Variants in ESR1 observed in about 807,000 individuals in gnomAD.
ESR1 encodes the protein estrogen receptor.
Under a neutral mutation model 52.7 loss-of-function variants are expected in ESR1, and 12 were observed. That is an observed-to-expected ratio of 0.23 (90% CI 0.15 to 0.37). The LOEUF (loss-of-function observed/expected upper bound fraction) is 0.37. Among genes scored for constraint, ESR1 ranks in the 10% least tolerant of loss-of-function variants. The pLI, the probability that ESR1 is intolerant of heterozygous loss-of-function variation, is 1.00. For missense variants in ESR1, 584 were observed against 779.7 expected, an observed-to-expected ratio of 0.75 and a Z score of 2.99; for synonymous variants, 305 against 316.8, an observed-to-expected ratio of 0.96 and a Z score of 0.39.
intron 3 of ESR1, among the ~76,000 whole-genome samples, chr6:151,940,034 G>A (rs2034866154): frequency 6.6e-6 from 1 of 152,136 alleles, no homozygotes; most frequent in South Asian, 2.1e-4. Flanking sequence ...ACTTGAGACT[G>A]GGTAATTTAT....
chr6:152,087,755 A>G (rs1236093892), intron 6 of ESR1, among the ~76,000 whole-genome samples: 1 of 152,224 alleles, frequency 6.6e-6, no homozygotes, highest in Non-Finnish European at 1.5e-5. Flanking sequence ...GATACAATCC[A>G]TGTTTTCAAG....
chr6:152,103,092 T>C lies in ESR1; in HGVS notation c.*4126T>C, dbSNP rs1585266458. On this transcript the variant is annotated 3_prime_UTR_variant, in exon 8 of 8. Coordinates refer to ENST00000206249, the MANE Select transcript of ESR1 (RefSeq NM_000125.4). Reference sequence around the variant, plus strand: ...TGCCAAATTGTGTTTGATGGATTAATATGCCCTTTTGCCGATGCATACTAT... The same window carrying C: ...TGCCAAATTGTGTTTGATGGATTAACATGCCCTTTTGCCGATGCATACTAT... 9.1e-6 allele frequency: 2 copies of C among 220,930 alleles called. No homozygotes were observed. Among genetic ancestry groups the C allele is most frequent in the African/African-American group, 4.5e-5 (2 of 44,608 alleles). The allele number at this position is 220,930 out of a possible 1,614,324, so 13.7% of individuals were successfully genotyped here. A position where few individuals can be genotyped will look rare whatever the true frequency, so the allele number is the denominator to read the frequency against.
intron 3 of ESR1, among the ~76,000 whole-genome samples, chr6:151,900,263 C>G (rs1416470270): frequency 6.6e-6 from 1 of 152,186 alleles, no homozygotes; most frequent in Non-Finnish European, 1.5e-5. Flanking sequence ...TTGCATTTCT[C>G]TAAGTGTGTC....
At chr6:151,758,759 A>AT (rs1258425425) in intron 2 of ESR1, among the ~76,000 whole-genome samples, 4 of 144,190 alleles carry the variant, frequency 2.8e-5, no homozygotes, top group Non-Finnish European at 4.5e-5. Context: ...TCTGTCTCAA[A>AT]TTAAAAAAAA....
At chr6:151,710,706 T>C (rs139000819) in intron 2 of ESR1, among the ~76,000 whole-genome samples, 6,418 of 152,166 alleles carry the variant, frequency 0.042, 459 homozygotes, top group African/African-American at 0.15. Context: ...ATTTCTCCTA[T>C]TGCTATCCCT....
chr6:151,977,441 C>CAAAAAAAAAAAA (rs200819406), intron 4 of ESR1, among the ~76,000 whole-genome samples: 3 of 130,502 alleles, frequency 2.3e-5, no homozygotes, highest in African/African-American at 8.7e-5. Context: ...CTGTGTAGTG[C>CAAAAAAAAAAAA]AAAAAAAAAA....
intron 4 of ESR1, among the ~76,000 whole-genome samples, chr6:151,950,824 A>G (rs1341005768): frequency 6.6e-6 from 1 of 150,636 alleles, no homozygotes; most frequent in Admixed American, 6.7e-5. Context: ...TTTTGAAGCC[A>G]CCTAGTTTTT....
chr6:152,073,192 A>G (rs1389539768), intron 6 of ESR1, among the ~76,000 whole-genome samples: 1 of 142,396 alleles, frequency 7.0e-6, no homozygotes, highest in Non-Finnish European at 1.5e-5. Context: ...TGATAGAAAT[A>G]TTATGAAATA....
intron 2 of ESR1, among the ~76,000 whole-genome samples, chr6:151,878,906 A>G (rs9322334): frequency 0.8 from 122,285 of 152,110 alleles, 49,670 homozygotes; most frequent in African/African-American, 0.92. Context: ...TGACTTCTAA[A>G]TCTTAGAGCA....
intron 2 of ESR1, among the ~76,000 whole-genome samples, chr6:151,856,451 G>C (rs912384571): frequency 6.6e-6 from 1 of 152,100 alleles, no homozygotes; most frequent in Non-Finnish European, 1.5e-5. Flanking sequence ...TCTAAGAGTT[G>C]ACATAAACTT....
chr6:151,900,784 G>A (rs1796551926), intron 3 of ESR1, among the ~76,000 whole-genome samples: 1 of 152,216 alleles, frequency 6.6e-6, no homozygotes, highest in South Asian at 2.1e-4. Flanking sequence ...TCAGAGTCCT[G>A]TGCTATGGGC....
rs1221055280 is a variant in ESR1, at chr6:151,808,324, G to A, written c.412G>A (p.Gly138Ser). Residue 138 changes from glycine to serine, a missense_variant, in exon 1 of 8, where the codon GGC becomes AGC. This residue lies in a region of ESR1 where 251 missense variants were observed against 246.1 expected (regional missense o/e 1.02). Coordinates refer to ENST00000206249, the MANE Select transcript of ESR1 (RefSeq NM_000125.4). Reference protein sequence around the residue: ...VPYYLENEPSGYTVREAGPPA... With the variant: ...VPYYLENEPSSYTVREAGPPA... Reference sequence around the variant, plus strand: ...CTACTACCTGGAGAACGAGCCCAGCGGCTACACGGTGCGCGAGGCCGGCCC... The same window carrying A: ...CTACTACCTGGAGAACGAGCCCAGCAGCTACACGGTGCGCGAGGCCGGCCC... 1 of 1,550,512 alleles carries A rather than the reference G, an allele frequency of 6.4e-7. No individual in the cohort carries two copies. The highest frequency in any genetic ancestry group is 2.3e-5 in the East Asian group (1 of 43,306).
At chr6:151,908,507 G>GT (rs1274709225) in intron 3 of ESR1, among the ~76,000 whole-genome samples, 1 of 152,158 alleles carries the variant, frequency 6.6e-6, no homozygotes, top group African/African-American at 2.4e-5. Flanking sequence ...TTACATTTGT[G>GT]TTTTTTGGTG....
intron 6 of ESR1, among the ~76,000 whole-genome samples, chr6:152,079,473 C>T (rs1473856934): frequency 6.6e-6 from 1 of 152,112 alleles, no homozygotes; most frequent in African/African-American, 2.4e-5. Flanking sequence ...CACACCAAAA[C>T]CCCATCTGTA....
At chr6:151,985,822 A>G (rs1289701814) in intron 4 of ESR1, among the ~76,000 whole-genome samples, 2 of 151,822 alleles carry the variant, frequency 1.3e-5, no homozygotes, top group African/African-American at 2.4e-5. Context: ...GTGTGCCACC[A>G]TCCCTGGCTA....
At chr6:152,116,811 G>T (rs2051216080) in intron 6 of ESR1, among the ~76,000 whole-genome samples, 1 of 151,678 alleles carries the variant, frequency 6.6e-6, no homozygotes. Flanking sequence ...ACTACATACT[G>T]CTATAATTAA....
intron 6 of ESR1, chr6:152,122,427 C>G: frequency 1.2e-6 from 2 of 1,614,110 alleles, no homozygotes; most frequent in South Asian, 2.2e-5. Flanking sequence ...CAGATGGCAT[C>G]TGCTTAGTTC....
At chr6:151,918,258 A>G (rs934200040) in intron 3 of ESR1, among the ~76,000 whole-genome samples, 1 of 152,214 alleles carries the variant, frequency 6.6e-6, no homozygotes, top group Non-Finnish European at 1.5e-5. Context: ...GAGAACCCAC[A>G]TTGGGCTTGA....
chr6:152,060,041 A>G (rs2047422998), intron 5 of ESR1, among the ~76,000 whole-genome samples: 1 of 152,138 alleles, frequency 6.6e-6, no homozygotes, highest in African/African-American at 2.4e-5. Context: ...ACCCCGTCAA[A>G]CACATCATGC....
Sources: gnomAD v4.1 joint callset for allele counts (sites outside exome capture counted in the v4.1 genomes callset) on GRCh38, gnomAD v4.1.1 for gene constraint, gnomAD v4.1.1 regional missense constraint, MANE v1.5 for transcripts, NCBI Gene and HGNC (gene_info 2026-07-23, HGNC 2026-07-21) for gene names.